RNF144B: variants seen among roughly 807,000 people sequenced by gnomAD.
RNF144B encodes ring finger protein 144B.
RNF144B carries 25 observed loss-of-function variants against 40.2 expected under a neutral mutation model. The observed-to-expected ratio is 0.62, with a 90% confidence interval of 0.45 to 0.87. The LOEUF is 0.87. Ranked by LOEUF, RNF144B falls within the 40% of genes least tolerant of loss-of-function variation. RNF144B has a pLI of 0.00. For missense variants in RNF144B, 365 were observed against 373.7 expected (o/e 0.98, Z 0.19); for synonymous variants, 145 against 136.3 (o/e 1.06, Z -0.44).
chr6:18,393,077 C>T (rs561607420), intron 1 of RNF144B, among the ~76,000 whole-genome samples: 8 of 149,366 alleles, frequency 5.4e-5, no homozygotes, highest in African/African-American at 9.9e-5. Context: ...GCCGAGATCG[C>T]GCCACTGCAC....
In RNF144B at chr6:18,443,075, T is replaced by G. The variant is rs536632267; in HGVS notation, c.331+3331T>G. Reference sequence around the variant, plus strand: ...TGGGATTACGGGATCATGTGGTAATTTTACATTTAGTTTTTGAGGAACTGC... The same window carrying G: ...TGGGATTACGGGATCATGTGGTAATGTTACATTTAGTTTTTGAGGAACTGC... On this transcript the variant is annotated intron_variant, in intron 4 of 7. Coordinates refer to ENST00000259939, the MANE Select transcript of RNF144B (RefSeq NM_182757.4). This position sits in a 1 kb window ranked among gnomAD's most constrained non-coding sequence, Gnocchi z 4.7. Among the ~76,000 whole-genome samples the G allele has an allele frequency of 1.3e-5, 2 of 152,244 alleles. No individual in the cohort carries two copies. The highest frequency in any genetic ancestry group is 3.9e-4 in the East Asian group (2 of 5,178).
In RNF144B at chr6:18,441,392, C is replaced by T. The variant is rs554104087; in HGVS notation, c.331+1648C>T. ...ATGGTGAGATATGACATATCAACCA[C>T]GTCAGTCCTACTCAGTCACTGGAGC... On this transcript the variant is annotated intron_variant, in intron 4 of 7. Coordinates refer to ENST00000259939, the MANE Select transcript of RNF144B (RefSeq NM_182757.4). The surrounding 1 kb of genome is among the most constrained non-coding windows in gnomAD (Gnocchi z 4.9). Among the ~76,000 whole-genome samples, 5 of 152,138 alleles carry T rather than the reference C, an allele frequency of 3.3e-5. No individual in the cohort carries two copies. Among genetic ancestry groups the T allele is most frequent in the African/African-American group, 4.8e-5 (2 of 41,440 alleles).
At chr6:18,401,151 A>G (rs1024499184) in intron 2 of RNF144B, among the ~76,000 whole-genome samples, 3 of 152,148 alleles carry the variant, frequency 2.0e-5, no homozygotes, top group African/African-American at 7.2e-5. Context: ...AAAGAATTCA[A>G]TTTTTGCTAT....
rs1401392303 is a variant in RNF144B at position 18,442,216 on chromosome 6, C to T, written c.331+2472C>T. Among the ~76,000 whole-genome samples, 8 of 152,280 alleles carry T rather than the reference C, an allele frequency of 5.3e-5. No homozygotes were observed. Among genetic ancestry groups the T allele is most frequent in the East Asian group, 3.9e-4 (2 of 5,188 alleles). On this transcript the variant is annotated intron_variant, in intron 4 of 7. Transcript: ENST00000259939. The surrounding 1 kb of genome is among the most constrained non-coding windows in gnomAD (Gnocchi z 4.3). Reference sequence around the variant, plus strand: ...GTAACTGGCTTATTCTTTCATTAGACGTGATAATATATTCAGTCTAGCTAC... The same window carrying T: ...GTAACTGGCTTATTCTTTCATTAGATGTGATAATATATTCAGTCTAGCTAC...
At chr6:18,388,299 A>G (rs532740361) in intron 1 of RNF144B, among the ~76,000 whole-genome samples, 1 of 152,212 alleles carries the variant, frequency 6.6e-6, no homozygotes, top group Non-Finnish European at 1.5e-5. Flanking sequence ...ATTAGCTCTG[A>G]GGTTCTTAAC....
rs561933052 is a variant in RNF144B at position 18,468,334 on chromosome 6, T to A, written c.*3267T>A. The stretch of plus-strand genomic sequence containing the variant: ...AGCCATGCCGAAGCAAATGTTAGAA[T>A]CTTAGGCATCCTATTTGTTCATGCC... On this transcript the variant is annotated 3_prime_UTR_variant, in exon 8 of 8. Transcript: ENST00000259939. The A allele has an allele frequency of 2.6e-5, 4 of 152,210 alleles. No homozygotes were observed. The highest frequency in any genetic ancestry group is 4.4e-5 in the Non-Finnish European group (3 of 68,040). The allele number at this position is 152,210 out of a possible 1,614,324, so 9.4% of individuals were successfully genotyped here.
At position 18,405,972 on chromosome 6, in the gene RNF144B, A is replaced by G; in HGVS notation, c.165+6273A>G. The G allele has an allele frequency of 2.0e-6, 1 of 504,822 alleles. No homozygotes were observed. The highest frequency in any genetic ancestry group is 2.0e-5 in the Admixed American group (1 of 50,114). 31.3% of individuals were successfully genotyped at this position (504,822 alleles called of 1,614,324 possible). ...GATCTTCTAGTTCCCCCACCCTCCT[A>G]ATGAAAGAAGTCATTTTCTGGGATG... On this transcript the variant is annotated intron_variant, in intron 2 of 7. Transcript: ENST00000259939. The surrounding 1 kb of genome is among the most constrained non-coding windows in gnomAD (Gnocchi z 4.5).
intron 2 of RNF144B, among the ~76,000 whole-genome samples, chr6:18,408,879 A>C (rs1225176146): frequency 6.6e-6 from 1 of 151,982 alleles, no homozygotes; most frequent in Non-Finnish European, 1.5e-5. Flanking sequence ...TAAAGACACA[A>C]ATCCGTGAAT....
chr6:18,391,754 G>C (rs553972634), intron 1 of RNF144B, among the ~76,000 whole-genome samples: 1 of 151,618 alleles, frequency 6.6e-6, no homozygotes, highest in South Asian at 2.1e-4. Context: ...TGTAGTCCCA[G>C]CTACTCGGGA....
At position 18,442,257 on chromosome 6, in the gene RNF144B, G is replaced by A. The variant is rs188965397; in HGVS notation, c.331+2513G>A. On this transcript the variant is annotated intron_variant, in intron 4 of 7. Transcript: ENST00000259939. The surrounding 1 kb of genome is among the most constrained non-coding windows in gnomAD (Gnocchi z 4.3). ...GTCTAGCTACAATTAAGTTGGGCAG[G>A]CATCTGAGCCAGTCTATCTTTTTTA... 6.6e-6 allele frequency among the ~76,000 whole-genome samples: 1 copy of A among 152,290 alleles called. No individual in the cohort carries two copies.
At chr6:18,461,081 A>G (rs1444911654) in intron 6 of RNF144B, among the ~76,000 whole-genome samples, 1 of 152,328 alleles carries the variant, frequency 6.6e-6, no homozygotes, top group Non-Finnish European at 1.5e-5. Flanking sequence ...ATGTAATGTC[A>G]TCAAGCAGGC....
In RNF144B at chr6:18,412,879, T is replaced by G. The variant is rs1450211742; in HGVS notation, c.165+13180T>G. 6.6e-6 allele frequency among the ~76,000 whole-genome samples: 1 copy of G among 152,184 alleles called. No individual in the cohort carries two copies. Among genetic ancestry groups the G allele is most frequent in the Non-Finnish European group, 1.5e-5 (1 of 68,024 alleles). On this transcript the variant is annotated intron_variant, in intron 2 of 7. Coordinates refer to ENST00000259939, the MANE Select transcript of RNF144B (RefSeq NM_182757.4). The surrounding 1 kb of genome is among the most constrained non-coding windows in gnomAD (Gnocchi z 4.2). ...TAAGGAGGTCTTTTTGGTTTGACTCTTCTGGAAAATATGTGTGAGGTATTT... is the reference window on the plus strand; with the variant it reads ...TAAGGAGGTCTTTTTGGTTTGACTCGTCTGGAAAATATGTGTGAGGTATTT...
In RNF144B at chr6:18,387,678, A is replaced by G. The variant is rs561902063; in HGVS notation, c.-37+48A>G. 34 of 1,275,762 alleles carry G rather than the reference A, an allele frequency of 2.7e-5. No individual in the cohort carries two copies. In the African/African-American group the frequency reaches 4.3e-4, roughly 16 times the overall value. 79.0% of individuals were successfully genotyped at this position (1,275,762 alleles called of 1,614,324 possible). The stretch of plus-strand genomic sequence containing the variant: ...AGGCTACAGGCGTTGCAAGACCGGA[A>G]TGGTGTTGCTGGACTAAGGAAAAAG... On this transcript the variant is annotated intron_variant, in intron 1 of 7. Transcript: ENST00000259939.
At chr6:18,427,773 G>C (rs1055902857) in intron 3 of RNF144B, 88 bp downstream of exon 3, 2 of 863,416 alleles carry the variant, frequency 2.3e-6, no homozygotes, top group Non-Finnish European at 3.7e-6. Context: ...CTACCAGGGA[G>C]TCTAGCAAGA....
At chr6:18,461,016 C>T (rs911529296) in intron 6 of RNF144B, among the ~76,000 whole-genome samples, 8 of 152,052 alleles carry the variant, frequency 5.3e-5, no homozygotes, top group African/African-American at 1.2e-4. Flanking sequence ...ATTCAACAAG[C>T]GATTTGTGTA....
chr6:18,399,813 C>A, intron 2 of RNF144B, 114 bp downstream of exon 2: 1 of 776,326 alleles, frequency 1.3e-6, no homozygotes, highest in Non-Finnish European at 2.0e-6. Context: ...TATGATCCTG[C>A]TTTGGAAAGC....
At position 18,458,488 on chromosome 6, in the gene RNF144B, T is replaced by C. The variant is rs1759379722; in HGVS notation, c.537-1119T>C. 6.6e-6 allele frequency among the ~76,000 whole-genome samples: 1 copy of C among 152,166 alleles called. No individual in the cohort carries two copies. The highest frequency in any genetic ancestry group is 1.5e-5 in the Non-Finnish European group (1 of 68,026). ...AAATGGAGAGGAATAGAGAAGCTAA[T>C]ACACATGGCAGGCATGTGCCCTCTT... On this transcript the variant is annotated intron_variant, in intron 5 of 7. Coordinates refer to ENST00000259939, the MANE Select transcript of RNF144B (RefSeq NM_182757.4). This position sits in a 1 kb window ranked among gnomAD's most constrained non-coding sequence, Gnocchi z 4.8.
chr6:18,451,776 G>A (rs372431288), intron 4 of RNF144B, among the ~76,000 whole-genome samples: 46 of 152,314 alleles, frequency 3.0e-4, no homozygotes, highest in African/African-American at 1.1e-3. Flanking sequence ...GAGATAGGAA[G>A]TAAAATAAAA....
At chr6:18,438,537 T>C (rs553870169) in intron 3 of RNF144B, among the ~76,000 whole-genome samples, 1 of 152,312 alleles carries the variant, frequency 6.6e-6, no homozygotes, top group Non-Finnish European at 1.5e-5. Context: ...TGGTCCTTTA[T>C]ACATTTTAGC....
Sources: allele counts gnomAD v4.1 joint callset (sites outside exome capture counted in the v4.1 genomes callset), GRCh38; gene constraint gnomAD v4.1.1; non-coding constraint Gnocchi (gnomAD v3.1); transcripts MANE v1.5; gene names NCBI Gene and HGNC (gene_info 2026-07-23, HGNC 2026-07-21).